NRL: variants seen among roughly 807,000 people sequenced by gnomAD.
NRL encodes neural retina-specific leucine zipper protein.
NRL carries 16 observed loss-of-function variants against 12.5 expected under a neutral mutation model. The observed-to-expected ratio is 1.28, with a 90% CI of 0.87 to 1.95. The LOEUF (loss-of-function observed/expected upper bound fraction) is 1.95. Ranked by LOEUF, NRL falls within the 30% of genes most tolerant of loss-of-function variation. NRL has a pLI of 0.00. For missense variants in NRL, 314 were observed against 325.8 expected, an observed-to-expected ratio of 0.96 and a Z score of 0.28; for synonymous variants, 142 against 150.9, an observed-to-expected ratio of 0.94 and a Z score of 0.43.
At position 24,081,660 on chromosome 14, in the gene NRL, A is replaced by T; in HGVS notation, c.382-92T>A. The T allele has an allele frequency of 6.5e-7, 1 of 1,531,440 alleles. No homozygotes were observed. The highest frequency in any genetic ancestry group is 8.8e-7 in the Non-Finnish European group (1 of 1,138,048). The allele number at this position is 1,531,440 out of a possible 1,614,324, so 94.9% of individuals were successfully genotyped here. A position where few individuals can be genotyped will look rare whatever the true frequency, so the allele number is the denominator to read the frequency against. On this transcript the variant is annotated intron_variant, in intron 2 of 2. Transcript: ENST00000561028. This position sits in a 1 kb window ranked among gnomAD's most constrained non-coding sequence, Gnocchi z 4.4. The stretch of plus-strand genomic sequence containing the variant: ...ACGCTACCTGGCTCCGCCCCGGGAC[A>T]GCCCCGCCCCGGCTCCCACCTTCAC...
rs2036452685 is a variant in NRL, at chr14:24,085,809, T to A, written c.-27-2934A>T. The stretch of plus-strand genomic sequence containing the variant: ...GGTCCCCAGAGCAGCAGCATCCATA[T>A]CACCTGGGAACTTGCTAGAAATACA... On this transcript the variant is annotated intron_variant, in intron 1 of 2. Coordinates refer to ENST00000561028, the MANE Select transcript of NRL (RefSeq NM_001354768.3). The surrounding 1 kb of genome is among the most constrained non-coding windows in gnomAD (Gnocchi z 4.1). Among the ~76,000 whole-genome samples, 1 of 152,208 alleles carries A rather than the reference T, an allele frequency of 6.6e-6. No homozygotes were observed. Among genetic ancestry groups the A allele is most frequent in the African/African-American group, 2.4e-5 (1 of 41,430 alleles).
At chr14:24,099,337 C>T in intron 1 of NRL, 1 of 1,234,484 alleles carries the variant, frequency 8.1e-7, no homozygotes, top group African/African-American at 1.5e-5. Context: ...AGGTGCCAGG[C>T]TGGTGGGCGG....
chr14:24,103,760 T>G (rs764992493), intron 1 of NRL: 3 of 1,614,170 alleles, frequency 1.9e-6, no homozygotes, highest in Non-Finnish European at 1.7e-6. Context: ...AGACACCCAT[T>G]GGGCTGGTGC....
rs1197275899 is a variant in NRL at position 24,094,359 on chromosome 14, C to T, written c.-27-11484G>A. 2 of 1,515,634 alleles carry T rather than the reference C, an allele frequency of 1.3e-6. No homozygotes were observed. The highest frequency in any genetic ancestry group is 8.9e-7 in the Non-Finnish European group (1 of 1,125,966). The allele number at this position is 1,515,634 out of a possible 1,614,324, so 93.9% of individuals were successfully genotyped here. ...TCCTTCCCCGCCTTCCATACCTCCCCGGCTCCGCTCGGTTCCTGGCCACCC... is the reference window on the plus strand; with the variant it reads ...TCCTTCCCCGCCTTCCATACCTCCCTGGCTCCGCTCGGTTCCTGGCCACCC... On this transcript the variant is annotated intron_variant, in intron 1 of 2. Transcript: ENST00000561028. The surrounding 1 kb of genome is among the most constrained non-coding windows in gnomAD (Gnocchi z 4.1).
chr14:24,099,058 T>A (rs1448658147), intron 1 of NRL: 1 of 1,600,598 alleles, frequency 6.2e-7, no homozygotes, highest in African/African-American at 1.3e-5. Flanking sequence ...GGGGAGCCAG[T>A]GAGCCAGTGG....
intron 1 of NRL, chr14:24,099,885 C>T: frequency 6.3e-7 from 1 of 1,594,700 alleles, no homozygotes; most frequent in Non-Finnish European, 8.6e-7. Context: ...CTTTCCTCAT[C>T]AGATCTTGGG....
rs2036740226 is a variant in NRL, at chr14:24,094,182, G to A, written c.-27-11307C>T. 1.8e-6 allele frequency: 1 copy of A among 558,642 alleles called. No homozygotes were observed. 34.6% of individuals were successfully genotyped at this position (558,642 alleles called of 1,614,324 possible). On this transcript the variant is annotated intron_variant, in intron 1 of 2. Transcript: ENST00000561028. This position sits in a 1 kb window ranked among gnomAD's most constrained non-coding sequence, Gnocchi z 4.1. ...TTGGGGCGGCGGCTGGGCTGACCTG[G>A]AGCCTGGAGCCCCGGGGCCGAGGGA...
chr14:24,086,597 C>G (rs1263958178), intron 1 of NRL, among the ~76,000 whole-genome samples: 1 of 152,226 alleles, frequency 6.6e-6, no homozygotes, highest in African/African-American at 2.4e-5. Flanking sequence ...AGTGGACACC[C>G]AGGAAAGAGA....
At chr14:24,091,379 T>A (rs1489521802) in intron 1 of NRL, among the ~76,000 whole-genome samples, 2 of 152,110 alleles carry the variant, frequency 1.3e-5, no homozygotes, top group African/African-American at 4.8e-5. Context: ...TGTGTTTAAT[T>A]TGAGTGCAGA....
At chr14:24,104,996 G>A (rs554307870) in intron 1 of NRL, among the ~76,000 whole-genome samples, 1 of 152,240 alleles carries the variant, frequency 6.6e-6, no homozygotes, top group Non-Finnish European at 1.5e-5. Context: ...AAATATAGAG[G>A]TGTGGAGTGG....
intron 1 of NRL, chr14:24,084,600 C>CAGGG: frequency 1.0e-6 from 1 of 985,492 alleles, no homozygotes; most frequent in Non-Finnish European, 1.2e-6. Flanking sequence ...CTCCATGGAG[C>CAGGG]AGGGCCTGGT....
rs2037208801 is a variant in NRL, at chr14:24,102,693, T to C, written c.-28+12029A>G. On this transcript the variant is annotated intron_variant, in intron 1 of 2. Transcript: ENST00000561028. Reference sequence around the variant, plus strand: ...CCCTGCAAGAATGTGTGCCCATGTATGTGTGTGTTGGGGGTCGACATGACC... The same window carrying C: ...CCCTGCAAGAATGTGTGCCCATGTACGTGTGTGTTGGGGGTCGACATGACC... 4 of 1,432,620 alleles carry C rather than the reference T, an allele frequency of 2.8e-6. No homozygotes were observed. The South Asian group carries it at 3.6e-5, about 13-fold the overall frequency. 88.7% of individuals were successfully genotyped at this position (1,432,620 alleles called of 1,614,324 possible).
rs34592767 is a variant in NRL, at chr14:24,096,228, C to CTT, written c.-27-13355_-27-13354dup. 1.9e-3 allele frequency among the ~76,000 whole-genome samples: 109 copies of CTT among 58,870 alleles called. 15 individuals are homozygous for CTT. Among genetic ancestry groups the CTT allele is most frequent in the Non-Finnish European group, 1.5e-3 (53 of 34,854 alleles). 38.6% of individuals were successfully genotyped at this position (58,870 alleles called of 152,430 possible). ...TTGGGCCAAAGGCCCCTACTCATTT[C>CTT]TTTTTTTTTTTTTTTTTTTTTTTTT... On this transcript the variant is annotated intron_variant, in intron 1 of 2. Coordinates refer to ENST00000561028, the MANE Select transcript of NRL (RefSeq NM_001354768.3).
At position 24,082,541 on chromosome 14, in the gene NRL, C is replaced by G; in HGVS notation, c.308G>C (p.Gly103Ala). 1.2e-6 allele frequency: 2 copies of G among 1,613,488 alleles called. No individual in the cohort carries two copies. Among genetic ancestry groups the G allele is most frequent in the Non-Finnish European group, 1.7e-6 (2 of 1,180,030 alleles). Reference sequence around the variant, plus strand: ...ATGGGGCCCATCAACAGGGACTGGGCCCTGACCCTGCAGCAGCTCCATGGC... The same window carrying G: ...ATGGGGCCCATCAACAGGGACTGGGGCCTGACCCTGCAGCAGCTCCATGGC... Reference protein sequence around the residue: ...EEAMELLQGQGPVPVDGPHGY... With the variant: ...EEAMELLQGQAPVPVDGPHGY... The change falls in exon 2 of 3, where the codon GGC (glycine) becomes GCC (alanine). Residue 103 changes from glycine (G) to alanine (A), a missense_variant. Coordinates refer to ENST00000561028, the MANE Select transcript of NRL (RefSeq NM_001354768.3).
intron 1 of NRL, among the ~76,000 whole-genome samples, chr14:24,091,332 G>A (rs1280483397): frequency 6.6e-6 from 1 of 152,170 alleles, no homozygotes; most frequent in East Asian, 1.9e-4. Flanking sequence ...TGTATTTTTA[G>A]TAGAGACGGG....
intron 1 of NRL, among the ~76,000 whole-genome samples, chr14:24,111,821 C>G (rs1471254584): frequency 7.4e-6 from 1 of 134,954 alleles, no homozygotes; most frequent in Non-Finnish European, 1.6e-5. Context: ...AATTGAATAC[C>G]CTTTATTTCC....
At chr14:24,083,660 G>A (rs1188497021) in intron 1 of NRL, among the ~76,000 whole-genome samples, 4 of 152,150 alleles carry the variant, frequency 2.6e-5, no homozygotes, top group Non-Finnish European at 5.9e-5. Flanking sequence ...TGTTCAATGA[G>A]GGCAGTTAGA....
chr14:24,100,240 C>T (rs1306293988), intron 1 of NRL: 2 of 1,612,886 alleles, frequency 1.2e-6, no homozygotes, highest in Non-Finnish European at 1.7e-6. Context: ...AGGTGTGGCA[C>T]AGCCTCCAGG....
At chr14:24,096,465 G>T (rs1779152065) in intron 1 of NRL, among the ~76,000 whole-genome samples, 1 of 152,024 alleles carries the variant, frequency 6.6e-6, no homozygotes, top group Non-Finnish European at 1.5e-5. Flanking sequence ...TTGATCTCCT[G>T]ACCTCATGAT....
Sources: allele counts gnomAD v4.1 joint callset (sites outside exome capture counted in the v4.1 genomes callset), GRCh38; gene constraint gnomAD v4.1.1; non-coding constraint Gnocchi (gnomAD v3.1); transcripts MANE v1.5; gene names NCBI Gene and HGNC (gene_info 2026-07-23, HGNC 2026-07-21).